The following ARK2C variants were observed in gnomAD, a reference collection of about 807,000 sequenced individuals.
The protein encoded by ARK2C is arkadia (RNF111) C-terminal like ring finger ubiquitin ligase 2C.
the ARK2C span, among the ~76,000 whole-genome samples, chr18:46,425,849 C>A: frequency 6.6e-6 from 1 of 152,154 alleles, no homozygotes; most frequent in Non-Finnish European, 1.5e-5. Flanking sequence ...AGCTTATGAA[C>A]AACAGAAATG....
At chr18:46,446,620 G>A in the ARK2C span, among the ~76,000 whole-genome samples, 10 of 133,032 alleles carry the variant, frequency 7.5e-5, no homozygotes, top group East Asian at 9.1e-4. Context: ...GCAGTGAGCC[G>A]AGATCGCACC....
At chr18:46,460,016 G>A in the ARK2C span, 1 of 152,734 alleles carries the variant, frequency 6.5e-6, no homozygotes, top group South Asian at 2.1e-4. Flanking sequence ...GGTGCAAGCA[G>A]AGGGTGAGCA....
At chr18:46,383,426 A>C in the ARK2C span, among the ~76,000 whole-genome samples, 3 of 152,252 alleles carry the variant, frequency 2.0e-5, no homozygotes, top group Admixed American at 6.5e-5. Flanking sequence ...CATGTTAATG[A>C]GAAAACTAAT....
At chr18:46,427,761 C>T in the ARK2C span, among the ~76,000 whole-genome samples, 8 of 152,352 alleles carry the variant, frequency 5.3e-5, no homozygotes, top group South Asian at 6.2e-4. Context: ...AGCAAAGACA[C>T]GAAGCCCAGC....
the ARK2C span, among the ~76,000 whole-genome samples, chr18:46,424,533 C>T: frequency 6.6e-6 from 1 of 152,204 alleles, no homozygotes; most frequent in African/African-American, 2.4e-5. Context: ...GTGCCCATCT[C>T]AGGTCTGCTC....
the ARK2C span, among the ~76,000 whole-genome samples, chr18:46,439,441 G>C: frequency 6.6e-6 from 1 of 152,176 alleles, no homozygotes; most frequent in Non-Finnish European, 1.5e-5. Flanking sequence ...ATCTGAGGTT[G>C]AACCTTCTGA....
At chr18:46,378,993 C>A in the ARK2C span, among the ~76,000 whole-genome samples, 1 of 152,206 alleles carries the variant, frequency 6.6e-6, no homozygotes, top group African/African-American at 2.4e-5. Flanking sequence ...CCAGGGCTCA[C>A]CTGCTCCTAA....
the ARK2C span, among the ~76,000 whole-genome samples, chr18:46,432,347 A>G: frequency 7.5e-4 from 114 of 152,334 alleles, 1 homozygote; most frequent in Middle Eastern, 0.017. Context: ...ACATTATTTA[A>G]CTATTACTTA....
chr18:46,399,251 T>G, the ARK2C span, among the ~76,000 whole-genome samples: 1 of 152,284 alleles, frequency 6.6e-6, no homozygotes, highest in East Asian at 1.9e-4. Flanking sequence ...ACTGGTACTC[T>G]GGACGTCCAG....
chr18:46,348,358 T>C, the ARK2C span, among the ~76,000 whole-genome samples: 153 of 152,320 alleles, frequency 1.0e-3, no homozygotes, highest in Admixed American at 2.2e-3. Context: ...CTGGTCAACA[T>C]GGCAGCTTTG....
chr18:46,419,111 G>GC, the ARK2C span, among the ~76,000 whole-genome samples: 1 of 152,202 alleles, frequency 6.6e-6, no homozygotes, highest in Admixed American at 6.5e-5. Flanking sequence ...TAGGCTGTCA[G>GC]CCAGGGTGCT....
chr18:46,351,322 G>A, the ARK2C span, among the ~76,000 whole-genome samples: 86 of 152,206 alleles, frequency 5.7e-4, 1 homozygote, highest in Non-Finnish European at 2.2e-4. Flanking sequence ...GCAGGGATGG[G>A]CTGTGAGATG....
chr18:46,404,084 A>G, the ARK2C span, among the ~76,000 whole-genome samples: 4 of 152,174 alleles, frequency 2.6e-5, no homozygotes, highest in African/African-American at 7.2e-5. Context: ...GTGTTTTTAC[A>G]TTCCCATGGA....
the ARK2C span, among the ~76,000 whole-genome samples, chr18:46,352,816 G>C: frequency 6.6e-6 from 1 of 152,354 alleles, no homozygotes; most frequent in South Asian, 2.1e-4. Flanking sequence ...GCTGAATTTA[G>C]GGGTTGCATT....
chr18:46,405,037 A>C, the ARK2C span, among the ~76,000 whole-genome samples: 1 of 152,144 alleles, frequency 6.6e-6, no homozygotes, highest in Non-Finnish European at 1.5e-5. Context: ...ATGATATGGC[A>C]AGACCCCACC....
At chr18:46,450,403 A>G in the ARK2C span, 2 of 1,594,764 alleles carry the variant, frequency 1.3e-6, no homozygotes, top group South Asian at 1.1e-5. Context: ...GCTATGAGGT[A>G]TGTTGCTCTG....
chr18:46,364,920 C>A, the ARK2C span, among the ~76,000 whole-genome samples: 1 of 152,132 alleles, frequency 6.6e-6, no homozygotes, highest in African/African-American at 2.4e-5. Flanking sequence ...CAGCCCTGAC[C>A]CAGGTCTCAG....
the ARK2C span, among the ~76,000 whole-genome samples, chr18:46,352,320 C>G: frequency 6.6e-6 from 1 of 152,194 alleles, no homozygotes; most frequent in East Asian, 1.9e-4. Flanking sequence ...AATGTAGCCT[C>G]AGTTTGCACT....
At chr18:46,376,649 G>T in the ARK2C span, among the ~76,000 whole-genome samples, 1 of 145,706 alleles carries the variant, frequency 6.9e-6, no homozygotes, top group Non-Finnish European at 1.5e-5. Context: ...AGTTCAGCCA[G>T]CACTGGTTAA....
Sources: gnomAD v4.1 joint callset for allele counts (sites outside exome capture counted in the v4.1 genomes callset) on GRCh38, gnomAD v4.1.1 for gene constraint, MANE v1.5 for transcripts, NCBI Gene and HGNC (gene_info 2026-07-23, HGNC 2026-07-21) for gene names.